KCNQ5: variants seen among roughly 807,000 people sequenced by gnomAD.
The protein encoded by KCNQ5 is potassium voltage-gated channel subfamily Q member 5, also known as potassium voltage-gated channel subfamily KQT member 5.
KCNQ5 carries 30 observed loss-of-function variants against 98.2 expected under a neutral mutation model. That is an observed-to-expected ratio of 0.31 (90% CI 0.23 to 0.41). The LOEUF is 0.41. Among genes scored for constraint, KCNQ5 ranks in the 10% least tolerant of loss-of-function variants. The pLI is 1.00. For missense variants in KCNQ5, 835 were observed against 1,182.5 expected (o/e 0.71, Z 4.31); for synonymous variants, 458 against 449.4 (o/e 1.02, Z -0.24).
At chr6:72,782,851 A>C (rs1203842209) in intron 1 of KCNQ5, among the ~76,000 whole-genome samples, 2 of 152,156 alleles carry the variant, frequency 1.3e-5, no homozygotes, top group East Asian at 3.8e-4. Flanking sequence ...TTATCTACAG[A>C]GCCTAGAATG....
At chr6:73,010,729 T>C (rs1202901249) in intron 2 of KCNQ5, among the ~76,000 whole-genome samples, 2 of 151,696 alleles carry the variant, frequency 1.3e-5, no homozygotes, top group Admixed American at 1.3e-4. Context: ...AGTTGCATTT[T>C]ACCAACAATG....
At chr6:73,160,549 T>A (rs1423199520) in intron 10 of KCNQ5, among the ~76,000 whole-genome samples, 1 of 152,192 alleles carries the variant, frequency 6.6e-6, no homozygotes, top group African/African-American at 2.4e-5. Flanking sequence ...TGTTCCTGTA[T>A]CACCAATTTA....
Position 73,169,624 on chromosome 6 carries a change from T to C in KCNQ5, c.1469-122T>C, listed in dbSNP as rs934550334. ...TTGGCAAGACAATTGGCTGACCTTA[T>C]ACATATCTTGGTTTATCAGCTTACT... On this transcript the variant is annotated intron_variant, in intron 10 of 13. Transcript: ENST00000370398. 5.7e-6 allele frequency: 4 copies of C among 699,490 alleles called. No homozygotes were observed. The East Asian group carries it at 1.0e-4, about 18-fold the overall frequency. The allele number at this position is 699,490 out of a possible 1,614,324, so 43.3% of individuals were successfully genotyped here. A position where few individuals can be genotyped will look rare whatever the true frequency, so the allele number is the denominator to read the frequency against.
intron 1 of KCNQ5, among the ~76,000 whole-genome samples, chr6:72,859,518 C>T (rs1354081724): frequency 6.6e-6 from 1 of 152,090 alleles, no homozygotes; most frequent in East Asian, 1.9e-4. Flanking sequence ...CTCTATTTTT[C>T]TCAAATTTAA....
At chr6:73,065,202 C>T (rs1208050640) in intron 3 of KCNQ5, among the ~76,000 whole-genome samples, 1 of 152,134 alleles carries the variant, frequency 6.6e-6, no homozygotes, top group Non-Finnish European at 1.5e-5. Flanking sequence ...TAGTGCTCCT[C>T]ACCTATCCCC....
intron 1 of KCNQ5, among the ~76,000 whole-genome samples, chr6:72,645,455 A>G (rs1765550718): frequency 2.6e-5 from 4 of 151,972 alleles, no homozygotes; most frequent in Admixed American, 2.6e-4. Flanking sequence ...ACTCTTACTT[A>G]CATTCTTATT....
At chr6:72,657,787 G>T (rs1028578430) in intron 1 of KCNQ5, among the ~76,000 whole-genome samples, 2 of 152,158 alleles carry the variant, frequency 1.3e-5, no homozygotes, top group Admixed American at 6.6e-5. Flanking sequence ...TTTTATAAGA[G>T]AATTTAATGC....
chr6:72,767,686 G>C (rs890933435), intron 1 of KCNQ5, among the ~76,000 whole-genome samples: 1 of 151,956 alleles, frequency 6.6e-6, no homozygotes, highest in African/African-American at 2.4e-5. Context: ...GATCTAAGTA[G>C]ATGTTTCTCC....
intron 1 of KCNQ5, among the ~76,000 whole-genome samples, chr6:72,674,397 T>A (rs559587080): frequency 2.5e-4 from 38 of 152,146 alleles, no homozygotes; most frequent in Non-Finnish European, 7.4e-5. Context: ...CAACAAAACC[T>A]CAGAAATCAC....
chr6:72,986,738 G>C, intron 1 of KCNQ5: 1 of 1,463,904 alleles, frequency 6.8e-7, no homozygotes, highest in Non-Finnish European at 9.5e-7. Context: ...CCATGCCTCT[G>C]GGGTGAAAAC....
At chr6:72,906,653 A>G (rs1260322275) in intron 1 of KCNQ5, among the ~76,000 whole-genome samples, 2 of 152,204 alleles carry the variant, frequency 1.3e-5, no homozygotes, top group South Asian at 2.1e-4. Context: ...CTTCACCTGC[A>G]AACTAGGCCT....
chr6:72,943,053 C>T (rs765834183), intron 1 of KCNQ5, among the ~76,000 whole-genome samples: 5 of 152,124 alleles, frequency 3.3e-5, no homozygotes, highest in Non-Finnish European at 7.3e-5. Context: ...AAAGGCAATT[C>T]AACATTAAAA....
chr6:72,900,495 A>G (rs1197336076), intron 1 of KCNQ5, among the ~76,000 whole-genome samples: 1 of 146,478 alleles, frequency 6.8e-6, no homozygotes, highest in African/African-American at 2.5e-5. Context: ...ATATATATAT[A>G]CTCCATCATA....
intron 1 of KCNQ5, among the ~76,000 whole-genome samples, chr6:72,663,585 C>T (rs376854699): frequency 3.3e-5 from 5 of 152,098 alleles, no homozygotes; most frequent in South Asian, 2.1e-4. Context: ...AGCTGTAAGT[C>T]GAGAATAAAT....
chr6:73,143,090 TA>T (rs1182612720), intron 10 of KCNQ5, among the ~76,000 whole-genome samples: 2 of 152,162 alleles, frequency 1.3e-5, no homozygotes, highest in African/African-American at 2.4e-5. Flanking sequence ...GAAGCAGAAC[TA>T]AAAGGTGTGT....
intron 1 of KCNQ5, among the ~76,000 whole-genome samples, chr6:72,643,255 CT>C (rs1565051925): frequency 1.3e-5 from 2 of 152,088 alleles, no homozygotes; most frequent in Admixed American, 6.6e-5. Context: ...TACCCCTGAA[CT>C]TAAAAGTTAT....
In KCNQ5 at chr6:72,622,128, C is replaced by T. The variant is rs972051745; in HGVS notation, c.-62C>T. On this transcript the variant is annotated 5_prime_UTR_variant, in exon 1 of 14. Coordinates refer to ENST00000370398, the MANE Select transcript of KCNQ5 (RefSeq NM_019842.4). This position sits in a 1 kb window ranked among gnomAD's most constrained non-coding sequence, Gnocchi z 6.0. ...TTCCTCCTTGAAACCCGCCGGCGCA[C>T]ATGAGGCCGCTGCCCCCGCCGCAGG... The T allele has an allele frequency of 3.3e-6, 4 of 1,203,386 alleles. No individual in the cohort carries two copies. In the African/African-American group the frequency reaches 4.7e-5, roughly 14 times the overall value. The allele number at this position is 1,203,386 out of a possible 1,614,324, so 74.5% of individuals were successfully genotyped here. A position where few individuals can be genotyped will look rare whatever the true frequency, so the allele number is the denominator to read the frequency against.
At chr6:73,087,177 G>A (rs1252217461) in intron 5 of KCNQ5, among the ~76,000 whole-genome samples, 7 of 152,208 alleles carry the variant, frequency 4.6e-5, no homozygotes, top group African/African-American at 1.4e-4. Flanking sequence ...AGCAAAAGCA[G>A]AGAGAGCAAT....
chr6:73,069,042 T>G (rs1479418860), intron 3 of KCNQ5, among the ~76,000 whole-genome samples: 2 of 152,222 alleles, frequency 1.3e-5, no homozygotes, highest in Non-Finnish European at 2.9e-5. Flanking sequence ...TTAAACTTTG[T>G]CAGTTTGATA....
Sources: allele counts gnomAD v4.1 joint callset (sites outside exome capture counted in the v4.1 genomes callset), GRCh38; gene constraint gnomAD v4.1.1; non-coding constraint Gnocchi (gnomAD v3.1); transcripts MANE v1.5; gene names NCBI Gene and HGNC (gene_info 2026-07-23, HGNC 2026-07-21).